Variants in SOX5 observed in about 807,000 individuals in gnomAD.
The protein encoded by SOX5 is transcription factor SOX-5.
In SOX5, 9 loss-of-function variants were observed where a neutral mutation model predicts 92.0. The ratio of observed to expected loss-of-function variants is 0.10; its 90% CI spans 0.06 to 0.17. The LOEUF (loss-of-function observed/expected upper bound fraction) is 0.17. Among genes scored for constraint, SOX5 ranks in the 10% least tolerant of loss-of-function variants. The probability of loss-of-function intolerance (pLI) is 1.00; values close to 1 mark genes in which losing one functional copy is unlikely to be tolerated. For synonymous variants in SOX5, 344 were observed against 336.3 expected (o/e 1.02, Z -0.25); for missense variants, 642 against 944.5 (o/e 0.68, Z 4.20).
intron 1 of SOX5, among the ~76,000 whole-genome samples, chr12:23,941,330 C>T (rs1464018595): frequency 6.6e-6 from 1 of 151,506 alleles, no homozygotes; most frequent in African/African-American, 2.4e-5. Flanking sequence ...TTTGGATATG[C>T]TTTTATTTCT....
At chr12:24,287,331 T>G (rs910905723) in intron 2 of SOX5, among the ~76,000 whole-genome samples, 1 of 146,126 alleles carries the variant, frequency 6.8e-6, no homozygotes, top group Non-Finnish European at 1.5e-5. Flanking sequence ...TTTGAAAAAT[T>G]TACAGTATTA....
intron 2 of SOX5, among the ~76,000 whole-genome samples, chr12:24,285,670 TAGACA>T (rs1408164777): frequency 6.6e-6 from 1 of 152,192 alleles, no homozygotes; most frequent in Non-Finnish European, 1.5e-5. Context: ...GTTTATGTCT[TAGACA>T]AGACATGTTT....
chr12:23,659,288 A>C (rs2082714347), intron 7 of SOX5, among the ~76,000 whole-genome samples: 1 of 152,220 alleles, frequency 6.6e-6, no homozygotes. Context: ...GAGGAAGTTT[A>C]TGGTATTTAA....
At chr12:24,411,130 C>T (rs1963994249) in intron 1 of SOX5, among the ~76,000 whole-genome samples, 1 of 151,786 alleles carries the variant, frequency 6.6e-6, no homozygotes. Flanking sequence ...ACAAATATAA[C>T]TGACTTTCGT....
chr12:23,717,592 G>A (rs1395735478), intron 6 of SOX5, among the ~76,000 whole-genome samples: 6 of 152,124 alleles, frequency 3.9e-5, no homozygotes, highest in Non-Finnish European at 7.3e-5. Context: ...TAAGCAGGTG[G>A]GTATGTAAGA....
intron 13 of SOX5, among the ~76,000 whole-genome samples, chr12:23,541,176 C>G (rs971345939): frequency 1.3e-5 from 2 of 152,092 alleles, no homozygotes; most frequent in Non-Finnish European, 2.9e-5. Flanking sequence ...ATTCTCATAG[C>G]CAGTCATCTC....
At chr12:24,329,067 T>G (rs1405398993) in intron 2 of SOX5, among the ~76,000 whole-genome samples, 1 of 152,244 alleles carries the variant, frequency 6.6e-6, no homozygotes, top group Non-Finnish European at 1.5e-5. Flanking sequence ...AAACTGGATA[T>G]TCCCATGTGC....
chr12:24,380,291 G>A (rs1238335479), intron 1 of SOX5, among the ~76,000 whole-genome samples: 1 of 152,188 alleles, frequency 6.6e-6, no homozygotes. Flanking sequence ...GCCCAGCCCA[G>A]GGATCTGATT....
At chr12:23,709,164 T>C (rs2091781609) in intron 6 of SOX5, among the ~76,000 whole-genome samples, 1 of 152,114 alleles carries the variant, frequency 6.6e-6, no homozygotes, top group Non-Finnish European at 1.5e-5. Flanking sequence ...TGCAGTGACG[T>C]GATCAGAGCT....
intron 3 of SOX5, among the ~76,000 whole-genome samples, chr12:23,768,697 A>AT (rs200980165): frequency 2.0e-4 from 31 of 151,428 alleles, no homozygotes; most frequent in East Asian, 1.9e-3. Context: ...TCTAGTTGCA[A>AT]TTTTTTTTTA....
chr12:24,232,304 G>C (rs1294283894), intron 3 of SOX5, among the ~76,000 whole-genome samples: 1 of 151,966 alleles, frequency 6.6e-6, no homozygotes, highest in African/African-American at 2.4e-5. Context: ...CTGAAATATG[G>C]GGATAACTCC....
chr12:24,132,390 A>T (rs1949730290), intron 4 of SOX5, among the ~76,000 whole-genome samples: 1 of 152,162 alleles, frequency 6.6e-6, no homozygotes, highest in South Asian at 2.1e-4. Context: ...AAGATTTCTT[A>T]CTAACACTTT....
intron 1 of SOX5, among the ~76,000 whole-genome samples, chr12:24,383,584 C>T (rs1161004520): frequency 6.6e-6 from 1 of 152,196 alleles, no homozygotes; most frequent in Non-Finnish European, 1.5e-5. Flanking sequence ...TCCCTTTGTC[C>T]AGCAAATCCC....
At chr12:24,244,013 T>C (rs1425189725) in intron 3 of SOX5, among the ~76,000 whole-genome samples, 8 of 149,536 alleles carry the variant, frequency 5.3e-5, no homozygotes, top group African/African-American at 2.0e-4. Flanking sequence ...CTGATCACGT[T>C]AGGAAGATTT....
intron 1 of SOX5, among the ~76,000 whole-genome samples, chr12:24,510,624 T>TA (rs1015232348): frequency 6.6e-6 from 1 of 152,188 alleles, no homozygotes; most frequent in African/African-American, 2.4e-5. Context: ...GGCAAGCTTT[T>TA]AAAAAACACG....
chr12:23,641,516 C>T (rs74071391), intron 7 of SOX5, among the ~76,000 whole-genome samples: 8,155 of 152,060 alleles, frequency 0.054, 448 homozygotes, highest in African/African-American at 0.14. Flanking sequence ...TAGATCCCTT[C>T]CCCCCGACAT....
chr12:23,982,951 G>C (rs1328221224), intron 4 of SOX5, among the ~76,000 whole-genome samples: 1 of 151,994 alleles, frequency 6.6e-6, no homozygotes, highest in Non-Finnish European at 1.5e-5. Context: ...GCTACTCTAT[G>C]GAACAGTGTA....
intron 1 of SOX5, among the ~76,000 whole-genome samples, chr12:24,379,978 T>C (rs1957666853): frequency 6.6e-6 from 1 of 151,832 alleles, no homozygotes; most frequent in Admixed American, 6.6e-5. Flanking sequence ...TGTAGAGGAA[T>C]GTGTAATGAA....
intron 1 of SOX5, among the ~76,000 whole-genome samples, chr12:23,942,547 T>C (rs1943846603): frequency 6.6e-6 from 1 of 151,928 alleles, no homozygotes; most frequent in African/African-American, 2.4e-5. Flanking sequence ...CTTGAAAATG[T>C]TCCTGAAGCC....
Sources: gnomAD v4.1 joint callset for allele counts (sites outside exome capture counted in the v4.1 genomes callset) on GRCh38, gnomAD v4.1.1 for gene constraint, MANE v1.5 for transcripts, NCBI Gene and HGNC (gene_info 2026-07-23, HGNC 2026-07-21) for gene names.